The following ANKRD11 variants were observed in gnomAD, a reference collection of about 807,000 sequenced individuals.
ANKRD11 encodes ankyrin repeat domain-containing protein 11.
ANKRD11 carries 17 observed loss-of-function variants against 195.7 expected under a neutral mutation model. The ratio of observed to expected loss-of-function variants is 0.09; its 90% CI spans 0.06 to 0.13. The LOEUF is 0.13. Among genes scored for constraint, ANKRD11 ranks in the 10% least tolerant of loss-of-function variants. The pLI is 1.00. For missense variants in ANKRD11, 3,735 were observed against 3,566.1 expected (o/e 1.05, Z -1.21); for synonymous variants, 1,953 against 1,528.1 (o/e 1.28, Z -6.49).
At chr16:89,475,831 A>C (rs938170981) in intron 1 of ANKRD11, among the ~76,000 whole-genome samples, 1 of 152,090 alleles carries the variant, frequency 6.6e-6, no homozygotes, top group African/African-American at 2.4e-5. Flanking sequence ...GGGTGGATCA[A>C]TTGAGGTGAG....
chr16:89,402,654 A>T, intron 2 of ANKRD11, among the ~76,000 whole-genome samples: 3 of 80,368 alleles, frequency 3.7e-5, no homozygotes, highest in African/African-American at 5.0e-5. Context: ...GCAGCACTGC[A>T]GGGTGAGGTG....
At position 89,274,865 on chromosome 16, in the gene ANKRD11, G is replaced by A. The variant is rs139657234; in HGVS notation, c.7662C>T (p.Ala2554=). The part of the protein sequence containing the change: ...TIANQAVPFS[A]CTMLLDSEVY... ...CCTCGGAGTCCAGCAGCATCGTGCA[G>A]GCGCTGAATGGCACTGCCTGGTTGG... The change falls in exon 11 of 13, where the codon GCC becomes GCT. Residue 2554 remains alanine (A), a synonymous_variant. Coordinates refer to ENST00000301030, the MANE Select transcript of ANKRD11 (RefSeq NM_013275.6). 2.9e-5 allele frequency: 46 copies of A among 1,613,058 alleles called. No homozygotes were observed. Among genetic ancestry groups the A allele is most frequent in the Admixed American group, 1.2e-4 (7 of 59,998 alleles).
At chr16:89,339,249 T>A (rs2038535907) in intron 2 of ANKRD11, among the ~76,000 whole-genome samples, 1 of 152,222 alleles carries the variant, frequency 6.6e-6, no homozygotes, top group Admixed American at 6.5e-5. Flanking sequence ...GCTGTTTAGG[T>A]CAAAATCATG....
In ANKRD11 at chr16:89,280,197, C is replaced by T. The variant is rs759737792; in HGVS notation, c.6345G>A (p.Val2115=). Reference sequence around the variant, plus strand: ...AGGCGTCCGCCCAGGGCACCGGCTCCACCTGGCCGAGGTGAGACAGGCCGC... The same window carrying T: ...AGGCGTCCGCCCAGGGCACCGGCTCTACCTGGCCGAGGTGAGACAGGCCGC... The part of the protein sequence containing the change: ...GSRGLSHLGQ[V]EPVPWADAFA... Residue 2115 remains valine, a synonymous_variant, in exon 9 of 13, where the codon GTG becomes GTA. Coordinates refer to ENST00000301030, the MANE Select transcript of ANKRD11 (RefSeq NM_013275.6). The T allele has an allele frequency of 1.2e-6, 2 of 1,608,556 alleles. No homozygotes were observed. Among genetic ancestry groups the T allele is most frequent in the South Asian group, 1.1e-5 (1 of 90,914 alleles).
chr16:89,420,914 C>T (rs1411732155), intron 1 of ANKRD11, among the ~76,000 whole-genome samples: 2 of 152,204 alleles, frequency 1.3e-5, no homozygotes, highest in East Asian at 1.9e-4. Context: ...ACCACCACCA[C>T]GACTATAAAC....
intron 3 of ANKRD11, among the ~76,000 whole-genome samples, chr16:89,306,306 C>A (rs111801391): frequency 1.2e-4 from 10 of 80,180 alleles, no homozygotes; most frequent in Admixed American, 1.4e-4. Flanking sequence ...CCTACCTCCC[C>A]CTCCGCAGAC....
At chr16:89,407,943 A>G (rs1322471495) in intron 2 of ANKRD11, among the ~76,000 whole-genome samples, 1 of 152,104 alleles carries the variant, frequency 6.6e-6, no homozygotes, top group Non-Finnish European at 1.5e-5. Context: ...TCAAAAAGCC[A>G]AACTGATAAG....
intron 2 of ANKRD11, among the ~76,000 whole-genome samples, chr16:89,404,519 T>C (rs573167975): frequency 6.6e-6 from 1 of 152,188 alleles, no homozygotes; most frequent in African/African-American, 2.4e-5. Flanking sequence ...GCCAACAGTT[T>C]GAAGGGTATG....
At chr16:89,469,117 A>T (rs939077464) in intron 1 of ANKRD11, among the ~76,000 whole-genome samples, 2 of 151,928 alleles carry the variant, frequency 1.3e-5, no homozygotes, top group African/African-American at 4.8e-5. Context: ...CCTGTGTCAG[A>T]GCCTGCAGTG....
At chr16:89,378,443 A>G (rs2040511092) in intron 2 of ANKRD11, among the ~76,000 whole-genome samples, 1 of 152,220 alleles carries the variant, frequency 6.6e-6, no homozygotes, top group East Asian at 1.9e-4. Flanking sequence ...AATTCTTGAT[A>G]ATAATTTCAA....
intron 2 of ANKRD11, among the ~76,000 whole-genome samples, chr16:89,407,703 A>C (rs1247040147): frequency 1.3e-5 from 2 of 152,016 alleles, no homozygotes; most frequent in Non-Finnish European, 2.9e-5. Flanking sequence ...ACACAGAATT[A>C]GCCAGGCATT....
Position 89,285,418 on chromosome 16 carries a change from G to A in ANKRD11, c.1124C>T (p.Thr375Met), listed in dbSNP as rs559672667. The change falls in exon 9 of 13, where the codon ACG (threonine) becomes ATG (methionine). Residue 375 changes from threonine (T) to methionine (M), a missense_variant. Transcript: ENST00000301030. This position sits in a 1 kb window ranked among gnomAD's most constrained non-coding sequence, Gnocchi z 5.6. ...TATAGAGATAAAACTATTGGATTTC[G>A]TTTCTTTTCTGTAGTCCTTTTTCAA... ...HLLKKDYRKE[T>M]KSNSFISIPK... is the part of the protein sequence containing the mutation. 75 of 1,614,070 alleles carry A rather than the reference G, an allele frequency of 4.6e-5. No homozygotes were observed. The highest frequency in any genetic ancestry group is 2.8e-4 in the Admixed American group (17 of 60,018).
chr16:89,363,490 AAAAGATTCAGTCTTGC>A (rs748326288), intron 2 of ANKRD11, among the ~76,000 whole-genome samples: 178 of 152,304 alleles, frequency 1.2e-3, no homozygotes, highest in Middle Eastern at 3.4e-3. Context: ...TTAAAAAAAA[AAAAGATTCAGTCTTGC>A]AAAGTTTTGA....
intron 1 of ANKRD11, among the ~76,000 whole-genome samples, chr16:89,426,633 T>C (rs1462459226): frequency 1.3e-5 from 2 of 151,818 alleles, no homozygotes; most frequent in African/African-American, 2.4e-5. Context: ...CAGGCGCATA[T>C]AGATGACCAA....
intron 3 of ANKRD11, chr16:89,313,629 G>A: frequency 7.8e-7 from 1 of 1,280,724 alleles, no homozygotes; most frequent in Non-Finnish European, 1.0e-6. Flanking sequence ...AGCTATATCT[G>A]GAGAAAAGGG....
intron 4 of ANKRD11, among the ~76,000 whole-genome samples, chr16:89,304,414 G>A (rs543047717): frequency 3.7e-4 from 55 of 149,134 alleles, no homozygotes; most frequent in African/African-American, 8.0e-4. Context: ...ACACATGAGC[G>A]CACATATATA....
At chr16:89,350,428 C>T (rs1055730185) in intron 2 of ANKRD11, among the ~76,000 whole-genome samples, 1 of 152,186 alleles carries the variant, frequency 6.6e-6, no homozygotes, top group African/African-American at 2.4e-5. Flanking sequence ...ATGTCTATAA[C>T]TGCTTATTGG....
chr16:89,452,019 G>A (rs1263589787), intron 1 of ANKRD11, among the ~76,000 whole-genome samples: 1 of 152,076 alleles, frequency 6.6e-6, no homozygotes. Flanking sequence ...AGAACTTTGG[G>A]AGGCCGAGGC....
At chr16:89,274,700 G>C in intron 11 of ANKRD11, 114 bp downstream of exon 11, 8 of 1,481,692 alleles carry the variant, frequency 5.4e-6, no homozygotes, top group Non-Finnish European at 7.4e-6. Flanking sequence ...GCCCCTGCAA[G>C]GTGCTGAGCA....
Sources: allele counts gnomAD v4.1 joint callset (sites outside exome capture counted in the v4.1 genomes callset), GRCh38; gene constraint gnomAD v4.1.1; non-coding constraint Gnocchi (gnomAD v3.1); transcripts MANE v1.5; gene names NCBI Gene and HGNC (gene_info 2026-07-23, HGNC 2026-07-21).